DOCK2: variants seen among roughly 807,000 people sequenced by gnomAD.
DOCK2 encodes dedicator of cytokinesis protein 2.
In DOCK2, 87 loss-of-function variants were observed where a neutral mutation model predicts 248.9. The observed-to-expected ratio is 0.35, with a 90% confidence interval of 0.29 to 0.42. DOCK2 has a LOEUF of 0.42. DOCK2 is among the 10% of genes least tolerant of loss of function. The pLI, the probability that DOCK2 is intolerant of heterozygous loss-of-function variation, is 1.00. For missense variants in DOCK2, 1,747 were observed against 2,300.2 expected (o/e 0.76, Z 4.92); for synonymous variants, 805 against 821.6 (o/e 0.98, Z 0.35).
chr5:169,984,312 A>G lies in DOCK2; in HGVS notation c.2898+1146A>G, dbSNP rs1481862818. Among the ~76,000 whole-genome samples the G allele has an allele frequency of 2.6e-5, 4 of 152,272 alleles. No homozygotes were observed. In the East Asian group the frequency reaches 7.7e-4, roughly 29 times the overall value. On this transcript the variant is annotated intron_variant, in intron 28 of 51. Coordinates refer to ENST00000520908, the MANE Select transcript of DOCK2 (RefSeq NM_004946.3). ...TCCACAGGAAGGGGATGTGCCTGTG[A>G]TGATATCCACACTTCCGCAGGTGAC...
chr5:170,010,969 T>C (rs1037343336), intron 32 of DOCK2, among the ~76,000 whole-genome samples: 15 of 152,356 alleles, frequency 9.8e-5, no homozygotes, highest in Middle Eastern at 3.4e-3. Flanking sequence ...CACTCCCAAT[T>C]ATGCTGATGA....
intron 25 of DOCK2, among the ~76,000 whole-genome samples, chr5:169,773,462 G>GTT (rs1243933448): frequency 2.0e-5 from 3 of 151,980 alleles, no homozygotes; most frequent in Non-Finnish European, 4.4e-5. Context: ...GTGTGTGTGT[G>GTT]TGTGTGTAAT....
chr5:169,728,683 A>C (rs1397844014), intron 22 of DOCK2, among the ~76,000 whole-genome samples: 2 of 152,198 alleles, frequency 1.3e-5, no homozygotes, highest in East Asian at 1.9e-4. Flanking sequence ...CATCAGAGCA[A>C]GGGGTCAAAG....
intron 29 of DOCK2, among the ~76,000 whole-genome samples, chr5:169,988,640 G>A (rs1778131124): frequency 6.6e-6 from 1 of 152,106 alleles, no homozygotes; most frequent in South Asian, 2.1e-4. Flanking sequence ...AGCCTCCCAA[G>A]TAGCTGGGAT....
chr5:170,050,457 A>T, intron 41 of DOCK2, 60 bp downstream of exon 41: 1 of 1,546,176 alleles, frequency 6.5e-7, no homozygotes, highest in Non-Finnish European at 8.7e-7. Context: ...CCAGGGCTGC[A>T]GCCCACAAAG....
At chr5:170,063,987 TAG>T in intron 44 of DOCK2, among the ~76,000 whole-genome samples, 1 of 152,204 alleles carries the variant, frequency 6.6e-6, no homozygotes, top group Admixed American at 6.5e-5. Context: ...CAGCTACATC[TAG>T]AGAGTCTAGC....
rs1761736020 is a variant in DOCK2 at position 169,714,022 on chromosome 5, T to C, written c.1660-6T>C. The C allele has an allele frequency of 6.3e-7, 1 of 1,588,388 alleles. No homozygotes were observed. The highest frequency in any genetic ancestry group is 8.6e-7 in the Non-Finnish European group (1 of 1,163,942). On this transcript the variant is annotated splice_region_variant and splice_polypyrimidine_tract_variant and intron_variant, in intron 17 of 51. Transcript: ENST00000520908. ...GCTTGGGGCAGTAACCAAGTGTTGTTTCCAGGGGGACAGCAAGAAGATGGA... is the reference window on the plus strand; with the variant it reads ...GCTTGGGGCAGTAACCAAGTGTTGTCTCCAGGGGGACAGCAAGAAGATGGA...
In DOCK2 at chr5:170,079,475, T is replaced by G. The variant is rs1757950897; in HGVS notation, c.5166+329T>G. 9 of 302,966 alleles carry G rather than the reference T, an allele frequency of 3.0e-5. No homozygotes were observed. The South Asian group carries it at 3.2e-4, about 11-fold the overall frequency. The allele number at this position is 302,966 out of a possible 1,614,324, so 18.8% of individuals were successfully genotyped here. ...CCCACCAAAAGGGAGAGCAGCCCACTTGGTACTGAGCTAGGTGTTTCTATA... is the reference window on the plus strand; with the variant it reads ...CCCACCAAAAGGGAGAGCAGCCCACGTGGTACTGAGCTAGGTGTTTCTATA... On this transcript the variant is annotated intron_variant, in intron 49 of 51. Transcript: ENST00000520908.
At chr5:169,822,060 A>G (rs931051880) in intron 26 of DOCK2, among the ~76,000 whole-genome samples, 3 of 152,236 alleles carry the variant, frequency 2.0e-5, no homozygotes, top group African/African-American at 7.2e-5. Context: ...ATTCAATAAG[A>G]AGAGCTAACT....
chr5:170,007,205 G>T (rs962030088), intron 30 of DOCK2, among the ~76,000 whole-genome samples: 4 of 152,196 alleles, frequency 2.6e-5, no homozygotes, highest in Non-Finnish European at 5.9e-5. Context: ...AAGGAGGAAG[G>T]TTTCAATGGC....
intron 47 of DOCK2, 95 bp downstream of exon 47, chr5:170,076,179 G>A: frequency 1.3e-6 from 2 of 1,500,864 alleles, no homozygotes; most frequent in Non-Finnish European, 1.8e-6. Flanking sequence ...TCCAGCAAAG[G>A]AAGCTGCTTC....
chr5:169,698,560 C>A, intron 11 of DOCK2, 111 bp downstream of exon 11: 3 of 1,190,152 alleles, frequency 2.5e-6, no homozygotes, highest in East Asian at 2.5e-5. Flanking sequence ...GCAGGTGGAG[C>A]CTCCCAAGGG....
chr5:169,884,021 G>T, intron 27 of DOCK2: 1 of 908,302 alleles, frequency 1.1e-6, no homozygotes, highest in Non-Finnish European at 1.5e-6. Context: ...GGATGGAGTG[G>T]TCCTCTCCTC....
chr5:169,911,649 C>T (rs913264058), intron 27 of DOCK2, among the ~76,000 whole-genome samples: 5 of 152,174 alleles, frequency 3.3e-5, no homozygotes, highest in African/African-American at 1.2e-4. Context: ...TTTCTGTCTG[C>T]CTTCAAGTTA....
rs142741404 is a variant in DOCK2, at chr5:169,975,384, C to G, written c.2800-7684C>G. 3.8e-3 allele frequency among the ~76,000 whole-genome samples: 580 copies of G among 152,298 alleles called. 6 individuals are homozygous for G. Among genetic ancestry groups the G allele is most frequent in the African/African-American group, 0.013 (560 of 41,566 alleles). ...TCCAAATCAATGGCTTCTCTTTGTA[C>G]TTACAAGAAAATCCTAATTCTTGCA... On this transcript the variant is annotated intron_variant, in intron 27 of 51. Transcript: ENST00000520908.
intron 27 of DOCK2, among the ~76,000 whole-genome samples, chr5:169,968,525 G>A (rs1777382643): frequency 6.6e-6 from 1 of 152,122 alleles, no homozygotes; most frequent in Non-Finnish European, 1.5e-5. Flanking sequence ...CAATGTTCAG[G>A]GGGCCCAAGT....
chr5:169,700,940 G>C (rs1561614267), intron 13 of DOCK2, among the ~76,000 whole-genome samples: 1 of 103,328 alleles, frequency 9.7e-6, no homozygotes, highest in Non-Finnish European at 2.3e-5. Context: ...AGAAAAAGAA[G>C]GAGAGAAAGA....
intron 46 of DOCK2, 77 bp downstream of exon 46, chr5:170,069,297 G>T (rs1757601558): frequency 1.3e-6 from 2 of 1,494,372 alleles, no homozygotes; most frequent in Non-Finnish European, 1.8e-6. Context: ...CCCACGCTAG[G>T]CTCTAGCTGA....
Position 169,801,072 on chromosome 5 carries a change from A to T in DOCK2, c.2555-1986A>T, listed in dbSNP as rs1055829755. On this transcript the variant is annotated intron_variant, in intron 25 of 51. Coordinates refer to ENST00000520908, the MANE Select transcript of DOCK2 (RefSeq NM_004946.3). ...CCTGGTTTAAGCTTCTGCCTGGCTT[A>T]AGCTATTCTCCTGCCTCAGCCTCCT... 2.2e-5 allele frequency among the ~76,000 whole-genome samples: 3 copies of T among 138,986 alleles called. No individual in the cohort carries two copies. The East Asian group carries it at 6.7e-4, about 31-fold the overall frequency. 91.2% of individuals were successfully genotyped at this position (138,986 alleles called of 152,430 possible).
Sources: allele counts gnomAD v4.1 joint callset (sites outside exome capture counted in the v4.1 genomes callset), GRCh38; gene constraint gnomAD v4.1.1; transcripts MANE v1.5; gene names NCBI Gene and HGNC (gene_info 2026-07-23, HGNC 2026-07-21).